Variants in DPP10 observed in about 807,000 individuals in gnomAD.
The protein encoded by DPP10 is inactive dipeptidyl peptidase 10.
A neutral mutation model predicts 120.9 loss-of-function variants in DPP10; 33 were observed. The ratio of observed to expected loss-of-function variants is 0.27; its 90% CI spans 0.21 to 0.37. The LOEUF is 0.37. Among genes scored for constraint, DPP10 ranks in the 10% least tolerant of loss-of-function variants. The probability of loss-of-function intolerance (pLI) is 1.00; values close to 1 mark genes in which losing one functional copy is unlikely to be tolerated. For synonymous variants in DPP10, 337 were observed against 326.1 expected, an observed-to-expected ratio of 1.03 and a Z score of -0.36; for missense variants, 816 against 942.8, an observed-to-expected ratio of 0.87 and a Z score of 1.76.
intron 2 of DPP10, 47 bp downstream of exon 2, chr2:115,309,400 A>T (rs1477992662): frequency 3.2e-6 from 5 of 1,561,276 alleles, no homozygotes; most frequent in African/African-American, 1.4e-5. Flanking sequence ...ATTGTGGATG[A>T]TAATTTCGCA....
At chr2:114,547,762 AC>A (rs1687537399) in intron 1 of DPP10, among the ~76,000 whole-genome samples, 3 of 152,364 alleles carry the variant, frequency 2.0e-5, no homozygotes, top group Admixed American at 2.0e-4. Context: ...GTATACCTTT[AC>A]CAGCACAGGG....
At chr2:115,033,893 CTTTTTTTTTTT>C (rs965717193) in intron 1 of DPP10, among the ~76,000 whole-genome samples, 3 of 89,858 alleles carry the variant, frequency 3.3e-5, no homozygotes, top group East Asian at 3.6e-4. Context: ...TTTTCTTTTT[CTTTTTTTTTTT>C]TTTTTTTTTT....
At chr2:114,968,934 G>T (rs1334876324) in intron 1 of DPP10, among the ~76,000 whole-genome samples, 1 of 152,154 alleles carries the variant, frequency 6.6e-6, no homozygotes, top group Admixed American at 6.5e-5. Flanking sequence ...AATGATTGAA[G>T]TCATGATAAT....
intron 3 of DPP10, among the ~76,000 whole-genome samples, chr2:115,479,207 T>G (rs1388520449): frequency 2.0e-5 from 3 of 152,116 alleles, no homozygotes; most frequent in African/African-American, 7.2e-5. Context: ...ATACATACAA[T>G]GGGATGTTAT....
At chr2:115,347,254 G>A (rs767757030) in intron 3 of DPP10, among the ~76,000 whole-genome samples, 1 of 152,034 alleles carries the variant, frequency 6.6e-6, no homozygotes, top group African/African-American at 2.4e-5. Flanking sequence ...AATAAAATGA[G>A]GGAGAAACCC....
chr2:115,637,143 A>C (rs1026005629), intron 5 of DPP10, among the ~76,000 whole-genome samples: 5 of 152,214 alleles, frequency 3.3e-5, no homozygotes, highest in African/African-American at 1.2e-4. Flanking sequence ...AAAAAAATCC[A>C]GATGTGAAAG....
intron 13 of DPP10, among the ~76,000 whole-genome samples, chr2:115,771,041 C>G (rs941138402): frequency 6.7e-6 from 1 of 148,504 alleles, no homozygotes; most frequent in African/African-American, 2.5e-5. Context: ...TTACAGCAAG[C>G]AGATATACTG....
At chr2:115,095,573 GGT>G (rs35061768) in intron 1 of DPP10, among the ~76,000 whole-genome samples, 1 of 133,898 alleles carries the variant, frequency 7.5e-6, no homozygotes, top group African/African-American at 2.6e-5. Context: ...AATTCTGTTT[GGT>G]TTTTTTTTTG....
intron 1 of DPP10, among the ~76,000 whole-genome samples, chr2:114,765,412 A>G (rs1319568950): frequency 6.6e-6 from 1 of 152,062 alleles, no homozygotes; most frequent in Non-Finnish European, 1.5e-5. Context: ...TAATTTATTC[A>G]CTCTTGCTCA....
At chr2:115,738,464 A>G (rs1333103149) in intron 8 of DPP10, among the ~76,000 whole-genome samples, 1 of 152,120 alleles carries the variant, frequency 6.6e-6, no homozygotes, top group Non-Finnish European at 1.5e-5. Context: ...ATAACTAGAG[A>G]TGCTGTGTGG....
intron 2 of DPP10, among the ~76,000 whole-genome samples, chr2:115,316,052 T>C (rs1295485394): frequency 6.6e-6 from 1 of 152,216 alleles, no homozygotes; most frequent in Non-Finnish European, 1.5e-5. Context: ...GTTTACATTA[T>C]AATGTGTTTA....
chr2:115,461,346 CAT>C (rs2073973422), intron 3 of DPP10, among the ~76,000 whole-genome samples: 1 of 152,034 alleles, frequency 6.6e-6, no homozygotes, highest in African/African-American at 2.4e-5. Context: ...ATACTGTTAA[CAT>C]GGGTAGATTT....
intron 5 of DPP10, among the ~76,000 whole-genome samples, chr2:115,571,419 G>A (rs912177184): frequency 6.6e-6 from 1 of 151,982 alleles, no homozygotes; most frequent in African/African-American, 2.4e-5. Context: ...TTCTATTGTT[G>A]CCATTTTTAA....
At chr2:114,986,999 C>T (rs1222440768) in intron 1 of DPP10, among the ~76,000 whole-genome samples, 3 of 152,020 alleles carry the variant, frequency 2.0e-5, no homozygotes, top group Admixed American at 6.5e-5. Flanking sequence ...AGGCTTGTCT[C>T]GAACTCCTGA....
At chr2:115,537,717 A>G (rs972679710) in intron 5 of DPP10, among the ~76,000 whole-genome samples, 2 of 151,974 alleles carry the variant, frequency 1.3e-5, no homozygotes, top group Admixed American at 1.3e-4. Context: ...ACTTCATGTC[A>G]TAAAGCAGTA....
intron 1 of DPP10, among the ~76,000 whole-genome samples, chr2:115,108,292 G>A (rs941766749): frequency 6.6e-6 from 1 of 152,202 alleles, no homozygotes; most frequent in African/African-American, 2.4e-5. Flanking sequence ...GCCAGCAGAG[G>A]TTTGGTAGGT....
At chr2:115,179,708 AG>A (rs1191020313) in intron 1 of DPP10, among the ~76,000 whole-genome samples, 1 of 152,200 alleles carries the variant, frequency 6.6e-6, no homozygotes, top group African/African-American at 2.4e-5. Context: ...TCATATATTG[AG>A]GAAGCTAAGA....
intron 1 of DPP10, among the ~76,000 whole-genome samples, chr2:114,917,102 A>T (rs1305151158): frequency 6.6e-6 from 1 of 152,236 alleles, no homozygotes; most frequent in South Asian, 2.1e-4. Context: ...CCTAGAACTG[A>T]TAAACAACTT....
chr2:115,260,506 A>G (rs2059205498), intron 1 of DPP10, among the ~76,000 whole-genome samples: 1 of 152,214 alleles, frequency 6.6e-6, no homozygotes, highest in South Asian at 2.1e-4. Flanking sequence ...CCATAAACAC[A>G]ATGCACTTGC....
Sources: gnomAD v4.1 joint callset for allele counts (sites outside exome capture counted in the v4.1 genomes callset) on GRCh38, gnomAD v4.1.1 for gene constraint, MANE v1.5 for transcripts, NCBI Gene and HGNC (gene_info 2026-07-23, HGNC 2026-07-21) for gene names.